Variants in LAMA4 observed in about 807,000 individuals in gnomAD.
LAMA4 encodes laminin subunit alpha-4.
LAMA4 carries 127 observed loss-of-function variants against 207.1 expected under a neutral mutation model. The ratio of observed to expected loss-of-function variants is 0.61; its 90% CI spans 0.53 to 0.71. The LOEUF (loss-of-function observed/expected upper bound fraction) is 0.71. LAMA4 is among the 30% of genes least tolerant of loss of function. The pLI, the probability that LAMA4 is intolerant of heterozygous loss-of-function variation, is 0.00. For missense variants in LAMA4, 2,093 were observed against 2,246.5 expected (o/e 0.93, Z 1.38); for synonymous variants, 761 against 816.0 (o/e 0.93, Z 1.15).
intron 36 of LAMA4, 129 bp from the exon 37 acceptor site, chr6:112,114,885 G>A (rs587760091): frequency 2.3e-5 from 17 of 732,564 alleles, no homozygotes; most frequent in Non-Finnish European, 3.8e-5. Flanking sequence ...TTTGCAATTT[G>A]AACACAAGGG....
chr6:112,182,567 T>C (rs1202417498), intron 9 of LAMA4, among the ~76,000 whole-genome samples: 1 of 152,226 alleles, frequency 6.6e-6, no homozygotes, highest in Admixed American at 6.5e-5. Context: ...TAGCCTACTT[T>C]CCTTTTAGTC....
chr6:112,197,066 T>A (rs1783464947), intron 5 of LAMA4, among the ~76,000 whole-genome samples: 1 of 152,200 alleles, frequency 6.6e-6, no homozygotes, highest in Non-Finnish European at 1.5e-5. Context: ...GGGGCTCTTT[T>A]GAGGCTTAAA....
chr6:112,128,474 A>G (rs569346380), intron 31 of LAMA4, among the ~76,000 whole-genome samples: 2 of 152,288 alleles, frequency 1.3e-5, no homozygotes, highest in East Asian at 3.9e-4. Flanking sequence ...TGTGTACCAA[A>G]TTACAGCTAG....
chr6:112,165,052 T>C, intron 13 of LAMA4, 108 bp downstream of exon 13: 1 of 779,608 alleles, frequency 1.3e-6, no homozygotes, highest in Non-Finnish European at 2.4e-6. Context: ...CTGATCTTTA[T>C]AATGCCTGCT....
At chr6:112,172,456 T>C (rs1781769530) in intron 12 of LAMA4, 155 bp downstream of exon 12, 3 of 692,050 alleles carry the variant, frequency 4.3e-6, no homozygotes, top group African/African-American at 3.6e-5. Context: ...AACACACAAG[T>C]TAGTAATTTA....
intron 31 of LAMA4, among the ~76,000 whole-genome samples, chr6:112,124,383 C>A (rs1233573818): frequency 6.6e-6 from 1 of 152,208 alleles, no homozygotes; most frequent in Non-Finnish European, 1.5e-5. Flanking sequence ...GGCTGCATCA[C>A]TCATCTGCTG....
chr6:112,149,376 T>C (rs1780237113), intron 17 of LAMA4, among the ~76,000 whole-genome samples: 2 of 151,912 alleles, frequency 1.3e-5, no homozygotes, highest in South Asian at 4.2e-4. Flanking sequence ...CCCACCCAAA[T>C]CTCATCTTGA....
chr6:112,231,255 T>A (rs1490888273), intron 2 of LAMA4, among the ~76,000 whole-genome samples: 1 of 152,128 alleles, frequency 6.6e-6, no homozygotes, highest in Non-Finnish European at 1.5e-5. Flanking sequence ...TCCCCAGTCA[T>A]CTTGGAGGGG....
Position 112,178,124 on chromosome 6 carries a change from G to C in LAMA4, c.1186C>G (p.Gln396Glu). The C allele has an allele frequency of 6.2e-7, 1 of 1,600,586 alleles. No individual in the cohort carries two copies. Among genetic ancestry groups the C allele is most frequent in the Non-Finnish European group, 8.6e-7 (1 of 1,167,798 alleles). ...AACCAGAAGAGAATATATTTACCTT[G>C]GATTTTATCCCTCATATCATGGGCT... ...EQAHDMRDKI[Q>E]EINNKMLYYG... Residue 396 changes from glutamine to glutamate, a missense_variant, in exon 10 of 39, where the codon CAA (glutamine) becomes GAA (glutamate). This residue lies in a region of LAMA4 where 1,704 missense variants were observed against 1,788.4 expected (regional missense o/e 0.95). Coordinates refer to ENST00000230538, the MANE Select transcript of LAMA4 (RefSeq NM_001105206.3).
At chr6:112,136,008 T>C in intron 25 of LAMA4, 115 bp downstream of exon 25, 3 of 931,060 alleles carry the variant, frequency 3.2e-6, no homozygotes, top group Non-Finnish European at 3.4e-6. Flanking sequence ...TCTTTAGATA[T>C]GAAAGTTCTC....
chr6:112,188,017 A>G (rs1782797231), intron 7 of LAMA4, among the ~76,000 whole-genome samples: 1 of 152,156 alleles, frequency 6.6e-6, no homozygotes, highest in Non-Finnish European at 1.5e-5. Context: ...GGCAGGTCCC[A>G]GTTCCTCATC....
chr6:112,115,965 A>G lies in LAMA4; in HGVS notation c.5010T>C (p.Phe1670=). The G allele has an allele frequency of 6.2e-7, 1 of 1,613,432 alleles. No homozygotes were observed. The highest frequency in any genetic ancestry group is 8.5e-7 in the Non-Finnish European group (1 of 1,179,508). The change falls in exon 36 of 39, where the codon TTT becomes TTC. Residue 1670 remains phenylalanine (F), a synonymous_variant. Transcript: ENST00000230538. ...TGGGACGGACTTCAAATGCAATTTCAAACTTCAATCCAATATTGAAAGATT... is the reference window on the plus strand; with the variant it reads ...TGGGACGGACTTCAAATGCAATTTCGAACTTCAATCCAATATTGAAAGATT... The part of the protein sequence containing the change: ...LDESFNIGLK[F]EIAFEVRPRS...
In LAMA4 at chr6:112,130,063, T is replaced by C. The variant is rs782452251; in HGVS notation, c.3969-23A>G. ...TATCTGCAAAAGAAAAAGGCTTCTT[T>C]ACATACCACAGAGCTAGCATTTTAC... On this transcript the variant is annotated intron_variant, in intron 29 of 38. Transcript: ENST00000230538. 8.7e-6 allele frequency: 14 copies of C among 1,607,436 alleles called. No homozygotes were observed. In the Admixed American group the frequency reaches 2.3e-4, roughly 27 times the overall value.
chr6:112,147,238 C>T (rs1780083687), intron 18 of LAMA4, among the ~76,000 whole-genome samples: 1 of 152,038 alleles, frequency 6.6e-6, no homozygotes, highest in Non-Finnish European at 1.5e-5. Context: ...TTCATATAGG[C>T]AAATCTTTTA....
At chr6:112,203,609 C>T (rs537502801) in intron 4 of LAMA4, among the ~76,000 whole-genome samples, 1 of 152,280 alleles carries the variant, frequency 6.6e-6, no homozygotes, top group African/African-American at 2.4e-5. Flanking sequence ...TTGTTCTGTT[C>T]CATGACCACA....
At chr6:112,178,086 T>G in intron 10 of LAMA4, 35 bp downstream of exon 10, 1 of 1,416,334 alleles carries the variant, frequency 7.1e-7, no homozygotes, top group East Asian at 2.3e-5. Context: ...AGTGTTTCCT[T>G]GATATTAAAC....
At chr6:112,148,469 A>T (rs1186109963) in intron 17 of LAMA4, 133 bp from the exon 18 acceptor site, 8 of 868,442 alleles carry the variant, frequency 9.2e-6, no homozygotes, top group Non-Finnish European at 1.5e-5. Context: ...AGATTTTTGG[A>T]TAACCATGTG....
intron 32 of LAMA4, chr6:112,121,699 A>T: frequency 2.9e-6 from 1 of 349,708 alleles, no homozygotes; most frequent in Non-Finnish European, 5.5e-6. Context: ...TGGGAGAGGG[A>T]GGGGGATATC....
chr6:112,200,046 C>T (rs1484623220), intron 5 of LAMA4: 6 of 514,138 alleles, frequency 1.2e-5, no homozygotes, highest in Non-Finnish European at 2.0e-5. Context: ...ACAAGAAAAC[C>T]TGTCTGAGAG....
Sources: gnomAD v4.1 joint callset for allele counts (sites outside exome capture counted in the v4.1 genomes callset) on GRCh38, gnomAD v4.1.1 for gene constraint, gnomAD v4.1.1 regional missense constraint, MANE v1.5 for transcripts, NCBI Gene and HGNC (gene_info 2026-07-23, HGNC 2026-07-21) for gene names.